EXOC6B: variants seen among roughly 807,000 people sequenced by gnomAD.
EXOC6B encodes SEC15 homolog B.
In EXOC6B, 54 loss-of-function variants were observed where a neutral mutation model predicts 113.5. The ratio of observed to expected loss-of-function variants is 0.48; its 90% CI spans 0.38 to 0.60. The LOEUF (loss-of-function observed/expected upper bound fraction) is 0.60, where lower values mean the gene tolerates loss of function less well. EXOC6B is among the 20% of genes least tolerant of loss of function. EXOC6B has a pLI of 0.00. For synonymous variants in EXOC6B, 357 were observed against 339.0 expected (o/e 1.05, Z -0.58); for missense variants, 797 against 977.5 (o/e 0.82, Z 2.46).
At chr2:72,463,847 A>G (rs556420632) in intron 18 of EXOC6B, 1 of 152,286 alleles carries the variant, frequency 6.6e-6, no homozygotes, top group African/African-American at 2.4e-5. Context: ...GAATTCTCAC[A>G]GTTCTGGAGG....
chr2:72,403,713 G>C (rs1488946042), intron 18 of EXOC6B, among the ~76,000 whole-genome samples: 2 of 151,870 alleles, frequency 1.3e-5, no homozygotes, highest in Non-Finnish European at 2.9e-5. Context: ...CCTTAAAAAA[G>C]TAAAAAACTT....
intron 18 of EXOC6B, among the ~76,000 whole-genome samples, chr2:72,449,221 C>T (rs960254077): frequency 6.6e-6 from 1 of 151,798 alleles, no homozygotes; most frequent in Admixed American, 6.6e-5. Flanking sequence ...CTCGCTCTGT[C>T]GCCCAGGCTG....
At chr2:72,721,364 T>TAAA (rs11408155) in intron 5 of EXOC6B, among the ~76,000 whole-genome samples, 5 of 28,492 alleles carry the variant, frequency 1.8e-4, no homozygotes, top group Non-Finnish European at 2.4e-4. Flanking sequence ...GTTGTTTTTG[T>TAAA]AAAAAAAAAA....
intron 7 of EXOC6B, among the ~76,000 whole-genome samples, chr2:72,565,613 C>G (rs1434209144): frequency 6.6e-6 from 1 of 151,410 alleles, no homozygotes; most frequent in African/African-American, 2.4e-5. Flanking sequence ...AGAAAAAAAC[C>G]AAAATCATTC....
chr2:72,224,128 T>C lies in EXOC6B; in HGVS notation c.2197-39941A>G, dbSNP rs139856497. Among the ~76,000 whole-genome samples the C allele has an allele frequency of 4.6e-3, 700 of 152,254 alleles. 8 individuals carry two copies. Among genetic ancestry groups the C allele is most frequent in the African/African-American group, 0.016 (648 of 41,504 alleles). ...AAAGGTATTAGAAATGTATGTTATA[T>C]AAACATCTAGTTTGCATTTGCTAGT... On this transcript the variant is annotated intron_variant, in intron 20 of 21. Transcript: ENST00000272427.
chr2:72,309,179 C>A (rs898313203), intron 20 of EXOC6B, among the ~76,000 whole-genome samples: 2 of 152,074 alleles, frequency 1.3e-5, no homozygotes, highest in Non-Finnish European at 2.9e-5. Flanking sequence ...TCCTAAATGA[C>A]CACCTAGTCA....
chr2:72,567,201 A>C (rs1704233004), intron 7 of EXOC6B, among the ~76,000 whole-genome samples: 1 of 152,048 alleles, frequency 6.6e-6, no homozygotes, highest in Non-Finnish European at 1.5e-5. Context: ...ATTTGGTAAC[A>C]ATCAAACAGA....
chr2:72,417,187 T>C (rs1198674752), intron 18 of EXOC6B, among the ~76,000 whole-genome samples: 2 of 152,322 alleles, frequency 1.3e-5, no homozygotes, highest in East Asian at 1.9e-4. Flanking sequence ...TTGCTCAAAT[T>C]ACTGTCAGAT....
At chr2:72,469,714 A>G (rs1361370257) in intron 17 of EXOC6B, among the ~76,000 whole-genome samples, 2 of 152,000 alleles carry the variant, frequency 1.3e-5, no homozygotes, top group African/African-American at 2.4e-5. Context: ...AATATTTTGT[A>G]TAAGTTGTTG....
chr2:72,328,450 G>C (rs1280118072), intron 20 of EXOC6B, among the ~76,000 whole-genome samples: 1 of 151,914 alleles, frequency 6.6e-6, no homozygotes, highest in Non-Finnish European at 1.5e-5. Context: ...ATCCCTTGGA[G>C]CATCAGGCCA....
At chr2:72,788,402 G>A (rs1684491408) in intron 1 of EXOC6B, among the ~76,000 whole-genome samples, 1 of 152,172 alleles carries the variant, frequency 6.6e-6, no homozygotes, top group Non-Finnish European at 1.5e-5. Flanking sequence ...GCAACATTCT[G>A]GAAAGTGGGG....
intron 20 of EXOC6B, among the ~76,000 whole-genome samples, chr2:72,232,770 C>T (rs1681707307): frequency 6.6e-6 from 1 of 152,034 alleles, no homozygotes; most frequent in African/African-American, 2.4e-5. Flanking sequence ...ATATGTATTA[C>T]TTTTATTATA....
chr2:72,285,054 A>G (rs1685343015), intron 20 of EXOC6B, among the ~76,000 whole-genome samples: 1 of 152,114 alleles, frequency 6.6e-6, no homozygotes, highest in Admixed American at 6.6e-5. Flanking sequence ...TTCCAACTTG[A>G]TCTATAGATT....
At chr2:72,592,598 A>G (rs1706042699) in intron 6 of EXOC6B, among the ~76,000 whole-genome samples, 1 of 152,166 alleles carries the variant, frequency 6.6e-6, no homozygotes, top group Non-Finnish European at 1.5e-5. Flanking sequence ...ATCATCCCAG[A>G]CTTTCAGTGG....
chr2:72,380,525 A>G (rs1253827893), intron 18 of EXOC6B, among the ~76,000 whole-genome samples: 1 of 152,074 alleles, frequency 6.6e-6, no homozygotes, highest in Non-Finnish European at 1.5e-5. Flanking sequence ...CTGTAGTCCC[A>G]GCTACTCAGA....
At chr2:72,822,758 C>G (rs80036180) in intron 1 of EXOC6B, among the ~76,000 whole-genome samples, 1 of 152,018 alleles carries the variant, frequency 6.6e-6, no homozygotes, top group Non-Finnish European at 1.5e-5. Context: ...ACCCATCTCA[C>G]GAACAGTTAA....
At chr2:72,380,720 T>C (rs1691630314) in intron 18 of EXOC6B, among the ~76,000 whole-genome samples, 1 of 152,182 alleles carries the variant, frequency 6.6e-6, no homozygotes, top group African/African-American at 2.4e-5. Flanking sequence ...GGGATGCATT[T>C]TGTTTTCTTA....
intron 1 of EXOC6B, among the ~76,000 whole-genome samples, chr2:72,816,186 G>A (rs186364269): frequency 1.2e-4 from 18 of 152,138 alleles, no homozygotes; most frequent in African/African-American, 3.9e-4. Context: ...AAAAAGAAAT[G>A]TGCAATAAAA....
chr2:72,208,249 T>A, intron 20 of EXOC6B, among the ~76,000 whole-genome samples: 1 of 151,840 alleles, frequency 6.6e-6, no homozygotes, highest in Admixed American at 6.6e-5. Flanking sequence ...CCCTTCCCCA[T>A]CTAGTAGTCT....
Sources: allele counts gnomAD v4.1 joint callset (sites outside exome capture counted in the v4.1 genomes callset), GRCh38; gene constraint gnomAD v4.1.1; transcripts MANE v1.5; gene names NCBI Gene and HGNC (gene_info 2026-07-23, HGNC 2026-07-21).